The following ZMIZ2 variants were observed in gnomAD, a reference collection of about 807,000 sequenced individuals.
The protein encoded by ZMIZ2 is zinc finger MIZ-type containing 2.
Under a neutral mutation model 93.9 loss-of-function variants are expected in ZMIZ2, and 26 were observed. That is an observed-to-expected ratio of 0.28 (90% confidence interval 0.20 to 0.38). The LOEUF (loss-of-function observed/expected upper bound fraction) is 0.38, where lower values mean the gene tolerates loss of function less well. Among genes scored for constraint, ZMIZ2 ranks in the 10% least tolerant of loss-of-function variants. The pLI is 1.00. For synonymous variants in ZMIZ2, 485 were observed against 516.4 expected (o/e 0.94, Z 0.82); for missense variants, 1,023 against 1,235.0 (o/e 0.83, Z 2.57).
In ZMIZ2 at chr7:44,763,230, C is replaced by G. The variant is rs1791384008; in HGVS notation, c.1703-26C>G. The G allele has an allele frequency of 1.9e-6, 3 of 1,610,160 alleles. No homozygotes were observed. Among genetic ancestry groups the G allele is most frequent in the African/African-American group, 1.3e-5 (1 of 74,826 alleles). Reference sequence around the variant, plus strand: ...CTCCCCATCTTGGGGACCCTTTACTCAAGTCCTTTACCTTGTTGATGTCAG... The same window carrying G: ...CTCCCCATCTTGGGGACCCTTTACTGAAGTCCTTTACCTTGTTGATGTCAG... On this transcript the variant is annotated intron_variant, in intron 12 of 18. Coordinates refer to ENST00000309315, the MANE Select transcript of ZMIZ2 (RefSeq NM_031449.4). The surrounding 1 kb of genome is among the most constrained non-coding windows in gnomAD (Gnocchi z 5.6).
In ZMIZ2 at chr7:44,761,293, C is replaced by T. The variant is rs535942846; in HGVS notation, c.1241-156C>T. 96 of 741,506 alleles carry T rather than the reference C, an allele frequency of 1.3e-4. No homozygotes were observed. In the African/African-American group the frequency reaches 1.7e-3, roughly 13 times the overall value. 45.9% of individuals were successfully genotyped at this position (741,506 alleles called of 1,614,324 possible). A position where few individuals can be genotyped will look rare whatever the true frequency, so the allele number is the denominator to read the frequency against. ...GCTGCCCATGGCCCCAGCCCCAGGG[C>T]ACCACTCAGGCCTGCCAAGCAGTGC... On this transcript the variant is annotated intron_variant, in intron 9 of 18. Transcript: ENST00000309315. This position sits in a 1 kb window ranked among gnomAD's most constrained non-coding sequence, Gnocchi z 5.8.
intron 6 of ZMIZ2, 133 bp from the exon 7 acceptor site, chr7:44,759,148 C>T (rs1790910361): frequency 1.5e-6 from 1 of 674,824 alleles, no homozygotes; most frequent in East Asian, 3.3e-5. Context: ...CTGACAGTGT[C>T]ACAGCAGGAT....
At position 44,756,193 on chromosome 7, in the gene ZMIZ2, G is replaced by C; in HGVS notation, c.-57G>C. The C allele has an allele frequency of 1.9e-6, 3 of 1,612,612 alleles. No individual in the cohort carries two copies. The highest frequency in any genetic ancestry group is 2.5e-6 in the Non-Finnish European group (3 of 1,178,890). On this transcript the variant is annotated 5_prime_UTR_variant, in exon 2 of 19. Transcript: ENST00000309315. ...CCTTCCTTCCTGTCGGGCAGCCAGA[G>C]CAGCTGAGTTCCAGATAAAAACTGT...
At chr7:44,751,945 G>A (rs1178568175) in intron 1 of ZMIZ2, among the ~76,000 whole-genome samples, 1 of 151,264 alleles carries the variant, frequency 6.6e-6, no homozygotes, top group Non-Finnish European at 1.5e-5. Context: ...CTCGGTGAAA[G>A]AGCAAGATTC....
chr7:44,752,404 A>T (rs990951820), intron 1 of ZMIZ2, among the ~76,000 whole-genome samples: 1 of 151,956 alleles, frequency 6.6e-6, no homozygotes, highest in Admixed American at 6.6e-5. Flanking sequence ...CAGCCTCCCA[A>T]AGTGCTGGGA....
chr7:44,759,833 C>G, intron 7 of ZMIZ2: 1 of 474,522 alleles, frequency 2.1e-6, no homozygotes, highest in Non-Finnish European at 3.7e-6. Context: ...GAGGACAGGC[C>G]CTCGCTGCTG....
At position 44,769,758 on chromosome 7, in the gene ZMIZ2, T is replaced by C. The variant is rs1046320378; in HGVS notation, c.*2135T>C. On this transcript the variant is annotated 3_prime_UTR_variant, in exon 19 of 19. Transcript: ENST00000309315. ...CATCCTCAGAAGACTGGAGAAATGATTGAGGAATGCATGGGCACCGTGGCC... is the reference window on the plus strand; with the variant it reads ...CATCCTCAGAAGACTGGAGAAATGACTGAGGAATGCATGGGCACCGTGGCC... 2.6e-5 allele frequency: 4 copies of C among 152,318 alleles called. No homozygotes were observed. The highest frequency in any genetic ancestry group is 6.5e-5 in the Admixed American group (1 of 15,274). 9.4% of individuals were successfully genotyped at this position (152,318 alleles called of 1,614,324 possible). A position where few individuals can be genotyped will look rare whatever the true frequency, so the allele number is the denominator to read the frequency against.
chr7:44,753,521 T>TA (rs1339535589), intron 1 of ZMIZ2, among the ~76,000 whole-genome samples: 1 of 152,224 alleles, frequency 6.6e-6, no homozygotes, highest in African/African-American at 2.4e-5. Context: ...GCTGGGATTA[T>TA]AAGTGTGAGC....
Position 44,756,311 on chromosome 7 carries a change from C to T in ZMIZ2, c.50+12C>T. ...CCTGCGCCACACGGGTGAGTGTGGG[C>T]TCCTCTGCCCACCCCTCAGGCCCTG... On this transcript the variant is annotated intron_variant, in intron 2 of 18. Transcript: ENST00000309315. The T allele has an allele frequency of 6.2e-7, 1 of 1,613,968 alleles. No individual in the cohort carries two copies. Among genetic ancestry groups the T allele is most frequent in the Non-Finnish European group, 8.5e-7 (1 of 1,179,978 alleles).
chr7:44,759,346 C>T lies in ZMIZ2; in HGVS notation c.879C>T (p.Pro293=), dbSNP rs1226348257. ...CACCCAGCACCGCCCAGTTTGCGCC[C>T]AGCCCTGGGCAGCCCCCTGCCCCCT... ...QYAPSTAQFA[P]SPGQPPAPSP... The change falls in exon 7 of 19, where the codon CCC becomes CCT. Residue 293 remains proline (P), a synonymous_variant. Transcript: ENST00000309315. The T allele has an allele frequency of 6.2e-7, 1 of 1,604,674 alleles. No homozygotes were observed. The highest frequency in any genetic ancestry group is 8.5e-7 in the Non-Finnish European group (1 of 1,175,884).
rs1790556254 is a variant in ZMIZ2, at chr7:44,756,037, C to T, written c.-62-151C>T. The stretch of plus-strand genomic sequence containing the variant: ...CCAGAGTGAGTGGGGTGGGTCAGTA[C>T]TAGGCCCCTCCACTGCCTTGCCTGC... On this transcript the variant is annotated intron_variant, in intron 1 of 18. Coordinates refer to ENST00000309315, the MANE Select transcript of ZMIZ2 (RefSeq NM_031449.4). The T allele has an allele frequency of 1.2e-5, 8 of 644,848 alleles. No homozygotes were observed. The South Asian group carries it at 1.3e-4, about 10-fold the overall frequency. 39.9% of individuals were successfully genotyped at this position (644,848 alleles called of 1,614,324 possible).
chr7:44,758,897 GAAT>G (rs1790868551), intron 6 of ZMIZ2, among the ~76,000 whole-genome samples: 1 of 139,772 alleles, frequency 7.2e-6, no homozygotes, highest in Non-Finnish European at 1.5e-5. Flanking sequence ...CTGGGTGACA[GAAT>G]AAGACTCCAT....
chr7:44,750,057 A>G (rs1790004406), intron 1 of ZMIZ2: 1 of 152,196 alleles, frequency 6.6e-6, no homozygotes, highest in Non-Finnish European at 1.5e-5. Flanking sequence ...CAAGCAGGTG[A>G]CAGTTGCCGG....
chr7:44,764,587 G>A (rs1562745335), intron 14 of ZMIZ2, 101 bp downstream of exon 14: 1 of 1,353,678 alleles, frequency 7.4e-7, no homozygotes, highest in East Asian at 2.3e-5. Flanking sequence ...CGAGCCTGCT[G>A]GGAGGAGTCA....
chr7:44,759,595 C>A, intron 7 of ZMIZ2, 135 bp downstream of exon 7: 1 of 663,116 alleles, frequency 1.5e-6, no homozygotes, highest in Non-Finnish European at 2.1e-6. Context: ...TCCATGTGTG[C>A]TCATGGACCA....
intron 7 of ZMIZ2, chr7:44,759,867 T>C (rs1790991221): frequency 5.7e-6 from 3 of 521,840 alleles, no homozygotes; most frequent in African/African-American, 2.0e-5. Flanking sequence ...TCTGGGTGCA[T>C]GGGCAGAGCC....
chr7:44,760,308 C>T, intron 8 of ZMIZ2, 80 bp downstream of exon 8: 1 of 1,565,434 alleles, frequency 6.4e-7, no homozygotes, highest in African/African-American at 1.4e-5. Flanking sequence ...GCAGGCACCC[C>T]TGGGGCCGCC....
chr7:44,758,068 A>G lies in ZMIZ2; in HGVS notation c.773A>G (p.Gln258Arg). The G allele has an allele frequency of 6.3e-7, 1 of 1,596,168 alleles. No individual in the cohort carries two copies. Among genetic ancestry groups the G allele is most frequent in the Admixed American group, 1.8e-5 (1 of 56,588 alleles). ...GGGTATCCTGGGCCTCCCCAGGCCCAGCCACTGCCCCGACAGGGGGTCAAG... is the reference window on the plus strand; with the variant it reads ...GGGTATCCTGGGCCTCCCCAGGCCCGGCCACTGCCCCGACAGGGGGTCAAG... ...QHGYPGPPQA[Q>R]PLPRQGVKRT... The change falls in exon 6 of 19, where the codon CAG becomes CGG. Residue 258 changes from glutamine (Q) to arginine (R), a missense_variant. By Grantham distance (43) the Gln-to-Arg change is conservative. Coordinates refer to ENST00000309315, the MANE Select transcript of ZMIZ2 (RefSeq NM_031449.4).
chr7:44,766,759 C>T lies in ZMIZ2; in HGVS notation c.2655+96C>T, dbSNP rs549440755. The T allele has an allele frequency of 2.0e-5, 31 of 1,543,398 alleles. No individual in the cohort carries two copies. In the African/African-American group the frequency reaches 3.6e-4, roughly 18 times the overall value. On this transcript the variant is annotated intron_variant, in intron 18 of 18. Coordinates refer to ENST00000309315, the MANE Select transcript of ZMIZ2 (RefSeq NM_031449.4). This position sits in a 1 kb window ranked among gnomAD's most constrained non-coding sequence, Gnocchi z 4.4. Reference sequence around the variant, plus strand: ...CGTTCTGGAAGGGAAGACAGTGACCCCTCAGAGAGCCGGTCAGATAAGGTC... The same window carrying T: ...CGTTCTGGAAGGGAAGACAGTGACCTCTCAGAGAGCCGGTCAGATAAGGTC...
Sources: gnomAD v4.1 joint callset for allele counts (sites outside exome capture counted in the v4.1 genomes callset) on GRCh38, gnomAD v4.1.1 for gene constraint, Gnocchi (gnomAD v3.1) non-coding constraint, MANE v1.5 for transcripts, NCBI Gene and HGNC (gene_info 2026-07-23, HGNC 2026-07-21) for gene names.